The following NALF1 variants were observed in gnomAD, a reference collection of about 807,000 sequenced individuals.
The protein encoded by NALF1 is NALCN channel auxiliary factor 1.
Under a neutral mutation model 48.4 loss-of-function variants are expected in NALF1, and 3 were observed. The ratio of observed to expected loss-of-function variants is 0.06; its 90% CI spans 0.03 to 0.16. The LOEUF is 0.16. Ranked by LOEUF, NALF1 falls within the 10% of genes least tolerant of loss-of-function variation. The pLI is 1.00. For missense variants in NALF1, 526 were observed against 571.5 expected, an observed-to-expected ratio of 0.92 and a Z score of 0.81; for synonymous variants, 262 against 245.7, an observed-to-expected ratio of 1.07 and a Z score of -0.62.
intron 1 of NALF1, among the ~76,000 whole-genome samples, chr13:107,731,723 G>A (rs1323369001): frequency 6.6e-6 from 1 of 152,116 alleles, no homozygotes; most frequent in Non-Finnish European, 1.5e-5. Context: ...TTCCTGCAAA[G>A]GACATGATCT....
chr13:107,582,270 A>G (rs1160302566), intron 1 of NALF1, among the ~76,000 whole-genome samples: 1 of 152,232 alleles, frequency 6.6e-6, no homozygotes, highest in Non-Finnish European at 1.5e-5. Context: ...TGGATAAGGC[A>G]TGGGCCCTGC....
chr13:107,416,080 C>A (rs920373081), intron 1 of NALF1, among the ~76,000 whole-genome samples: 2 of 151,630 alleles, frequency 1.3e-5, no homozygotes, highest in African/African-American at 2.4e-5. Flanking sequence ...AATCTCTGCT[C>A]ACTGCAAGCT....
At chr13:107,331,599 T>TA (rs1287709868) in intron 1 of NALF1, among the ~76,000 whole-genome samples, 3 of 152,210 alleles carry the variant, frequency 2.0e-5, no homozygotes, top group Admixed American at 2.0e-4. Flanking sequence ...TTTACATGGT[T>TA]AACTAGTAGC....
intron 1 of NALF1, among the ~76,000 whole-genome samples, chr13:107,811,653 A>T (rs1460719409): frequency 6.6e-6 from 1 of 152,186 alleles, no homozygotes; most frequent in African/African-American, 2.4e-5. Flanking sequence ...CTGCTGCTAT[A>T]GCAGAATGCT....
At chr13:107,317,614 T>A (rs1255913955) in intron 1 of NALF1, among the ~76,000 whole-genome samples, 1 of 152,092 alleles carries the variant, frequency 6.6e-6, no homozygotes, top group Admixed American at 6.6e-5. Flanking sequence ...TCTAGTTTGA[T>A]TTAGATCTTT....
At chr13:107,790,010 T>C (rs1282334090) in intron 1 of NALF1, among the ~76,000 whole-genome samples, 1 of 152,244 alleles carries the variant, frequency 6.6e-6, no homozygotes, top group South Asian at 2.1e-4. Flanking sequence ...AAATGTTCAA[T>C]AGTGCAGGTT....
At chr13:107,661,502 G>A (rs1024590719) in intron 1 of NALF1, among the ~76,000 whole-genome samples, 15 of 151,674 alleles carry the variant, frequency 9.9e-5, no homozygotes, top group East Asian at 1.9e-4. Context: ...TTTTGCGAGC[G>A]GCCAACTGAA....
At chr13:107,714,824 G>A (rs189153246) in intron 1 of NALF1, among the ~76,000 whole-genome samples, 13 of 152,048 alleles carry the variant, frequency 8.5e-5, no homozygotes, top group African/African-American at 2.2e-4. Flanking sequence ...CTCCACCTAC[G>A]TTTTCCACAC....
intron 1 of NALF1, among the ~76,000 whole-genome samples, chr13:107,851,213 A>C (rs1880306046): frequency 6.6e-6 from 1 of 152,196 alleles, no homozygotes; most frequent in Admixed American, 6.5e-5. Flanking sequence ...GTATCTTTTC[A>C]GTGTCTTCCA....
intron 1 of NALF1, among the ~76,000 whole-genome samples, chr13:107,772,305 C>G (rs140798702): frequency 0.018 from 2,745 of 152,134 alleles, 34 homozygotes; most frequent in Middle Eastern, 0.082. Context: ...ATCCAAGAAC[C>G]TTCTCTTGGG....
chr13:107,389,001 C>T (rs946300503), intron 1 of NALF1, among the ~76,000 whole-genome samples: 1 of 152,168 alleles, frequency 6.6e-6, no homozygotes, highest in Admixed American at 6.5e-5. Context: ...CAGCAGAATG[C>T]AATTCTCAGG....
chr13:107,780,580 C>A (rs1463093119), intron 1 of NALF1, among the ~76,000 whole-genome samples: 1 of 151,510 alleles, frequency 6.6e-6, no homozygotes, highest in African/African-American at 2.4e-5. Flanking sequence ...CTCACTGCAA[C>A]CTCCTCCTCC....
chr13:107,586,487 A>G (rs1034001479), intron 1 of NALF1, among the ~76,000 whole-genome samples: 4 of 151,520 alleles, frequency 2.6e-5, no homozygotes, highest in African/African-American at 9.7e-5. Flanking sequence ...TTATGAGTCC[A>G]TTTCAAATTT....
chr13:107,183,512 T>G (rs1456255624), intron 2 of NALF1, among the ~76,000 whole-genome samples: 1 of 152,172 alleles, frequency 6.6e-6, no homozygotes, highest in Non-Finnish European at 1.5e-5. Flanking sequence ...CAAAGGATCA[T>G]AAATCATTCT....
intron 1 of NALF1, among the ~76,000 whole-genome samples, chr13:107,482,822 A>G (rs1444385386): frequency 6.6e-6 from 1 of 152,176 alleles, no homozygotes; most frequent in African/African-American, 2.4e-5. Context: ...TTCCCTAGCC[A>G]TACTGGCAAC....
chr13:107,795,043 G>A (rs1281620247), intron 1 of NALF1, among the ~76,000 whole-genome samples: 1 of 152,022 alleles, frequency 6.6e-6, no homozygotes, highest in South Asian at 2.1e-4. Flanking sequence ...AATTTCATAA[G>A]ATGTTTATTT....
intron 1 of NALF1, among the ~76,000 whole-genome samples, chr13:107,756,435 C>CTATATATATATATATATATATATATATA (rs148971349): frequency 2.8e-5 from 4 of 141,086 alleles, no homozygotes; most frequent in African/African-American, 8.1e-5. Context: ...AGTTTAATGG[C>CTATATATATATATATATATATATATATA]TATATATATA....
At chr13:107,585,186 T>G (rs1878420195) in intron 1 of NALF1, among the ~76,000 whole-genome samples, 2 of 152,138 alleles carry the variant, frequency 1.3e-5, no homozygotes, top group African/African-American at 4.8e-5. Flanking sequence ...AATAATCAGT[T>G]GTTTAAATAA....
intron 1 of NALF1, among the ~76,000 whole-genome samples, chr13:107,573,354 T>C (rs1878044923): frequency 6.6e-6 from 1 of 152,058 alleles, no homozygotes; most frequent in Non-Finnish European, 1.5e-5. Context: ...TGCTAAGGTA[T>C]AGAGCAGTAA....
Sources: gnomAD v4.1 joint callset for allele counts (sites outside exome capture counted in the v4.1 genomes callset) on GRCh38, gnomAD v4.1.1 for gene constraint, MANE v1.5 for transcripts, NCBI Gene and HGNC (gene_info 2026-07-23, HGNC 2026-07-21) for gene names.